SCARA3: variants seen among roughly 807,000 people sequenced by gnomAD.
SCARA3 encodes the protein scavenger receptor class A member 3.
Under a neutral mutation model 47.0 loss-of-function variants are expected in SCARA3, and 39 were observed. The observed-to-expected ratio is 0.83, with a 90% confidence interval of 0.64 to 1.08. The LOEUF (loss-of-function observed/expected upper bound fraction) is 1.08, where lower values mean the gene tolerates loss of function less well. SCARA3 is among the 50% of genes least tolerant of loss of function. The probability of loss-of-function intolerance (pLI) is 0.00; values close to 1 mark genes in which losing one functional copy is unlikely to be tolerated. For synonymous variants in SCARA3, 356 were observed against 334.1 expected (o/e 1.07, Z -0.71); for missense variants, 724 against 792.3 (o/e 0.91, Z 1.04).
chr8:27,705,440 G>A, the SCARA3 span, among the ~76,000 whole-genome samples: 1 of 152,200 alleles, frequency 6.6e-6, no homozygotes, highest in Non-Finnish European at 1.5e-5. Context: ...AGAGGCCAGG[G>A]ACTAGCAAAG....
intron 5 of SCARA3, among the ~76,000 whole-genome samples, chr8:27,669,237 G>A (rs1210121802): frequency 5.9e-5 from 9 of 152,204 alleles, no homozygotes; most frequent in Admixed American, 2.0e-4. Context: ...GAGTGAGCAC[G>A]CAATTTTGTG....
At position 27,660,842 on chromosome 8, in the gene SCARA3, C is replaced by CTAGATAGATAGA. The variant is rs113873031; in HGVS notation, c.1369+1334_1369+1345dup. Reference sequence around the variant, plus strand: ...ATATAGATAGAAGATAGCTAGCTAGCTAGATAGATAGATAGATAGATAGAT... The same window carrying CTAGATAGATAGA: ...ATATAGATAGAAGATAGCTAGCTAGCTAGATAGATAGATAGATAGATAGATAGATAGATAGAT... On this transcript the variant is annotated intron_variant, in intron 5 of 5. Coordinates refer to ENST00000301904, the MANE Select transcript of SCARA3 (RefSeq NM_016240.3). 2.4e-4 allele frequency among the ~76,000 whole-genome samples: 27 copies of CTAGATAGATAGA among 113,874 alleles called. 1 individual carries two copies. Among genetic ancestry groups the CTAGATAGATAGA allele is most frequent in the Middle Eastern group, 5.7e-3 (1 of 176 alleles). 74.7% of individuals were successfully genotyped at this position (113,874 alleles called of 152,430 possible). A position where few individuals can be genotyped will look rare whatever the true frequency, so the allele number is the denominator to read the frequency against.
chr8:27,654,493 T>G (rs1801699306), intron 3 of SCARA3, among the ~76,000 whole-genome samples: 1 of 152,122 alleles, frequency 6.6e-6, no homozygotes, highest in African/African-American at 2.4e-5. Flanking sequence ...GTGCAGTGGC[T>G]CATGTCTGTA....
intron 5 of SCARA3, among the ~76,000 whole-genome samples, chr8:27,668,756 T>C (rs1212157197): frequency 1.3e-5 from 2 of 151,990 alleles, no homozygotes; most frequent in East Asian, 1.9e-4. Flanking sequence ...GGAGGATCAT[T>C]TGGGCCCAGG....
At chr8:27,721,027 A>G in the SCARA3 span, among the ~76,000 whole-genome samples, 2 of 151,646 alleles carry the variant, frequency 1.3e-5, no homozygotes, top group East Asian at 1.9e-4. Flanking sequence ...CAATCTGCCA[A>G]TTCATCCATT....
At chr8:27,633,712 G>C (rs1390653423), upstream of SCARA3, among the ~76,000 whole-genome samples, 2 of 151,696 alleles carry the variant, frequency 1.3e-5, no homozygotes, top group Non-Finnish European at 2.9e-5. Flanking sequence ...GGGGCGCGGG[G>C]CCCCCGCGGC....
rs1269099977 is a variant in SCARA3, at chr8:27,649,751, C to G, written c.57C>G (p.Asp19Glu). Reference protein sequence around the residue: ...DGDALCVTEEDLAGDDEDMPT... With the variant: ...DGDALCVTEEELAGDDEDMPT... ...ATGCCTTGTGCGTTACAGAAGAGGACCTGGCGGGTGACGACGAGGACATGC... is the reference window on the plus strand; with the variant it reads ...ATGCCTTGTGCGTTACAGAAGAGGAGCTGGCGGGTGACGACGAGGACATGC... Residue 19 changes from aspartate to glutamate, a missense_variant, in exon 2 of 6, where the codon GAC becomes GAG. Asp to Glu is a conservative substitution (Grantham distance 45). Transcript: ENST00000301904. 1 of 1,614,002 alleles carries G rather than the reference C, an allele frequency of 6.2e-7. No individual in the cohort carries two copies. The highest frequency in any genetic ancestry group is 8.5e-7 in the Non-Finnish European group (1 of 1,180,016).
intron 2 of SCARA3, 94 bp from the exon 3 acceptor site, chr8:27,651,414 G>A (rs1801628310): frequency 3.4e-6 from 5 of 1,459,584 alleles, no homozygotes; most frequent in Non-Finnish European, 4.6e-6. Context: ...GTTTGAATGT[G>A]ATGAGACAGA....
chr8:27,672,408 C>A lies in SCARA3; in HGVS notation c.*1057C>A. 2.0e-6 allele frequency: 2 copies of A among 985,554 alleles called. No individual in the cohort carries two copies. Among genetic ancestry groups the A allele is most frequent in the Non-Finnish European group, 2.4e-6 (2 of 830,044 alleles). 61.1% of individuals were successfully genotyped at this position (985,554 alleles called of 1,614,324 possible). A position where few individuals can be genotyped will look rare whatever the true frequency, so the allele number is the denominator to read the frequency against. ...TCTCTCTGCACAGCTGCCTCCCTTG[C>A]TCTCCCTGAGGCTGGCCTGCCCCAT... On this transcript the variant is annotated 3_prime_UTR_variant, in exon 6 of 6. Transcript: ENST00000301904.
At chr8:27,723,579 A>G in the SCARA3 span, among the ~76,000 whole-genome samples, 3 of 152,300 alleles carry the variant, frequency 2.0e-5, no homozygotes, top group South Asian at 6.2e-4. Context: ...CCTTCTCTGT[A>G]CTAAAAATAC....
the SCARA3 span, among the ~76,000 whole-genome samples, chr8:27,708,967 G>A: frequency 2.0e-5 from 3 of 152,096 alleles, no homozygotes; most frequent in South Asian, 2.1e-4. Context: ...TCAGGAAAAC[G>A]GGGAAAGGCA....
In SCARA3 at chr8:27,634,213, G is replaced by A; in HGVS notation, c.7+6G>A. On this transcript the variant is annotated splice_donor_region_variant and intron_variant, in intron 1 of 5. Transcript: ENST00000301904. ...AGAGGAAGAGACCATGAAAGGTAAG[G>A]GCGGCCTGTCGGGGGCAGCTCCGAG... 7.3e-7 allele frequency: 1 copy of A among 1,372,016 alleles called. No homozygotes were observed. Among genetic ancestry groups the A allele is most frequent in the South Asian group, 1.9e-5 (1 of 52,294 alleles). The allele number at this position is 1,372,016 out of a possible 1,614,324, so 85.0% of individuals were successfully genotyped here.
chr8:27,704,628 A>T, the SCARA3 span, among the ~76,000 whole-genome samples: 15 of 152,246 alleles, frequency 9.9e-5, no homozygotes, highest in East Asian at 2.9e-3. Flanking sequence ...GTTGGGCTGG[A>T]CTAGAGGGAA....
chr8:27,648,884 G>A (rs1585279160), intron 1 of SCARA3, among the ~76,000 whole-genome samples: 1 of 145,744 alleles, frequency 6.9e-6, no homozygotes, highest in Non-Finnish European at 1.5e-5. Context: ...AGGAAGGAAA[G>A]GAAGGAAGGA....
chr8:27,704,046 A>C, the SCARA3 span, among the ~76,000 whole-genome samples: 2 of 152,020 alleles, frequency 1.3e-5, no homozygotes, highest in Middle Eastern at 3.4e-3. Flanking sequence ...AGGAAGAGGA[A>C]GCAGAAGGAA....
intron 3 of SCARA3, 110 bp from the exon 4 acceptor site, chr8:27,656,672 G>A (rs994468135): frequency 4.1e-6 from 3 of 726,158 alleles, no homozygotes; most frequent in Non-Finnish European, 7.4e-6. Flanking sequence ...AGAGAAGAAG[G>A]GTGAAAGGTT....
In SCARA3 at chr8:27,657,392, T is replaced by A. The variant is rs535651124; in HGVS notation, c.325+512T>A. On this transcript the variant is annotated intron_variant, in intron 4 of 5. Transcript: ENST00000301904. ...TTGGTTATATTGCGTGACACTGAGGTTTGGGGGGGTAGAAATGATCCTGTC... is the reference window on the plus strand; with the variant it reads ...TTGGTTATATTGCGTGACACTGAGGATTGGGGGGGTAGAAATGATCCTGTC... Among the ~76,000 whole-genome samples the A allele has an allele frequency of 2.7e-5, 4 of 149,934 alleles. No homozygotes were observed. The East Asian group carries it at 7.9e-4, about 30-fold the overall frequency.
Position 27,672,267 on chromosome 8 carries a change from C to T in SCARA3, c.*916C>T, listed in dbSNP as rs1377868980. On this transcript the variant is annotated 3_prime_UTR_variant, in exon 6 of 6. Coordinates refer to ENST00000301904, the MANE Select transcript of SCARA3 (RefSeq NM_016240.3). ...TCCTCAATTCATCCTTGCCTCTGCC[C>T]TTCAGGAGCAGCCTGGAAGGAATCC... 6.1e-6 allele frequency: 6 copies of T among 985,560 alleles called. No homozygotes were observed. The highest frequency in any genetic ancestry group is 7.2e-6 in the Non-Finnish European group (6 of 830,012). The allele number at this position is 985,560 out of a possible 1,614,324, so 61.1% of individuals were successfully genotyped here.
the SCARA3 span, among the ~76,000 whole-genome samples, chr8:27,685,091 C>T: frequency 6.6e-6 from 1 of 151,916 alleles, no homozygotes; most frequent in Non-Finnish European, 1.5e-5. Context: ...AAACCCTATG[C>T]AATATTGATC....
Sources: gnomAD v4.1 joint callset for allele counts (sites outside exome capture counted in the v4.1 genomes callset) on GRCh38, gnomAD v4.1.1 for gene constraint, MANE v1.5 for transcripts, NCBI Gene and HGNC (gene_info 2026-07-23, HGNC 2026-07-21) for gene names.